EHBP1: variants seen among roughly 807,000 people sequenced by gnomAD.
EHBP1 encodes the protein EH domain binding protein 1.
A neutral mutation model predicts 144.0 loss-of-function variants in EHBP1; 55 were observed. The ratio of observed to expected loss-of-function variants is 0.38; its 90% CI spans 0.31 to 0.48. EHBP1 has a LOEUF of 0.48. EHBP1 is among the 20% of genes least tolerant of loss of function. The pLI is 0.98. For missense variants in EHBP1, 1,200 were observed against 1,364.2 expected (o/e 0.88, Z 1.90); for synonymous variants, 469 against 472.7 (o/e 0.99, Z 0.10).
chr2:62,714,777 A>G (rs1285225059), intron 2 of EHBP1, among the ~76,000 whole-genome samples: 9 of 152,168 alleles, frequency 5.9e-5, no homozygotes, highest in Non-Finnish European at 1.2e-4. Context: ...AACTTTTAAG[A>G]GTGTTAGAGA....
At chr2:63,030,136 A>G (rs988477667) in intron 19 of EHBP1, among the ~76,000 whole-genome samples, 2 of 152,210 alleles carry the variant, frequency 1.3e-5, no homozygotes, top group African/African-American at 4.8e-5. Flanking sequence ...GTAATTATAT[A>G]TCATGCTTGA....
rs538009030 is a variant in EHBP1, at chr2:62,786,168, T to G, written c.312+14776T>G. Among the ~76,000 whole-genome samples, 5 of 152,278 alleles carry G rather than the reference T, an allele frequency of 3.3e-5. No homozygotes were observed. The South Asian group carries it at 1.0e-3, about 32-fold the overall frequency. Reference sequence around the variant, plus strand: ...CTGGCTTTGAAATCTCTCATGCAGTTGTAGTCTGAGGTGGTTGGGGTAGAA... The same window carrying G: ...CTGGCTTTGAAATCTCTCATGCAGTGGTAGTCTGAGGTGGTTGGGGTAGAA... On this transcript the variant is annotated intron_variant, in intron 5 of 22. Transcript: ENST00000431489.
chr2:62,950,392 G>A (rs2057311847), intron 13 of EHBP1, among the ~76,000 whole-genome samples: 1 of 152,054 alleles, frequency 6.6e-6, no homozygotes, highest in African/African-American at 2.4e-5. Context: ...GTAGATATAG[G>A]AATTCAGCTG....
intron 19 of EHBP1, among the ~76,000 whole-genome samples, chr2:63,028,129 A>C (rs2061066102): frequency 6.6e-6 from 1 of 152,204 alleles, no homozygotes; most frequent in Admixed American, 6.5e-5. Context: ...CCACAAAAAA[A>C]GATAAGTATA....
chr2:62,991,966 T>G (rs2059432164), intron 16 of EHBP1, among the ~76,000 whole-genome samples: 1 of 152,188 alleles, frequency 6.6e-6, no homozygotes, highest in African/African-American at 2.4e-5. Flanking sequence ...CGGGTCTGAT[T>G]TTTTGCGTTC....
intron 2 of EHBP1, among the ~76,000 whole-genome samples, chr2:62,708,251 C>A (rs1314666160): frequency 1.3e-5 from 2 of 152,082 alleles, no homozygotes; most frequent in Non-Finnish European, 2.9e-5. Flanking sequence ...GAATGCTTTT[C>A]TCTTCAACTT....
chr2:63,004,260 G>A (rs1352121245), intron 19 of EHBP1, among the ~76,000 whole-genome samples: 7 of 151,972 alleles, frequency 4.6e-5, no homozygotes. Context: ...TTAAGCAAAA[G>A]GCCAATCACA....
At chr2:62,795,885 A>G (rs1052795354) in intron 5 of EHBP1, among the ~76,000 whole-genome samples, 2 of 152,002 alleles carry the variant, frequency 1.3e-5, no homozygotes, top group African/African-American at 4.8e-5. Context: ...TGAAAAGGCA[A>G]TCATAGTATA....
chr2:62,960,588 C>T (rs542935828), intron 14 of EHBP1, among the ~76,000 whole-genome samples: 1 of 152,188 alleles, frequency 6.6e-6, no homozygotes, highest in South Asian at 2.1e-4. Flanking sequence ...CCTTGTATCC[C>T]CAGCACCAAG....
chr2:62,734,211 A>C (rs1489213712), intron 2 of EHBP1, among the ~76,000 whole-genome samples: 1 of 151,590 alleles, frequency 6.6e-6, no homozygotes, highest in Non-Finnish European at 1.5e-5. Context: ...TTTTTTTTGA[A>C]TATAGTTTAT....
At chr2:62,797,868 T>C (rs1422556244) in intron 5 of EHBP1, among the ~76,000 whole-genome samples, 3 of 152,182 alleles carry the variant, frequency 2.0e-5, no homozygotes, top group Non-Finnish European at 4.4e-5. Context: ...CAGCCTTAAC[T>C]ATTTAACAAG....
rs1572857642 is a variant in EHBP1, at chr2:62,682,049, T to C, written c.-296+7966T>C. Among the ~76,000 whole-genome samples the C allele has an allele frequency of 2.0e-5, 3 of 152,336 alleles. No individual in the cohort carries two copies. The South Asian group carries it at 6.2e-4, about 32-fold the overall frequency. On this transcript the variant is annotated intron_variant, in intron 1 of 22. Coordinates refer to the EHBP1 transcript ENST00000405015. ...GAGGCTGTGGCTCAGCACAAGGGAATACTTTCTGTAAAAATGAGTTTGCCT... is the reference window on the plus strand; with the variant it reads ...GAGGCTGTGGCTCAGCACAAGGGAACACTTTCTGTAAAAATGAGTTTGCCT...
At chr2:62,780,800 T>C (rs1449762718) in intron 5 of EHBP1, among the ~76,000 whole-genome samples, 2 of 152,200 alleles carry the variant, frequency 1.3e-5, no homozygotes, top group African/African-American at 4.8e-5. Context: ...AGCTAACACA[T>C]TTTAAGGGAA....
chr2:63,036,591 ACAAT>A (rs2061449911), intron 19 of EHBP1, among the ~76,000 whole-genome samples: 1 of 152,014 alleles, frequency 6.6e-6, no homozygotes. Context: ...GCTTAGCAAA[ACAAT>A]AAACCAGTCA....
intron 5 of EHBP1, among the ~76,000 whole-genome samples, chr2:62,817,395 G>T (rs769881704): frequency 2.6e-5 from 4 of 152,064 alleles, no homozygotes; most frequent in Non-Finnish European, 5.9e-5. Context: ...AAATGCAGAG[G>T]CTCTAAGGGA....
chr2:62,719,964 A>G (rs1239407048), intron 2 of EHBP1, among the ~76,000 whole-genome samples: 1 of 152,108 alleles, frequency 6.6e-6, no homozygotes, highest in Non-Finnish European at 1.5e-5. Flanking sequence ...ATGATACCAC[A>G]TTTTTGCAAA....
intron 10 of EHBP1, among the ~76,000 whole-genome samples, chr2:62,901,430 A>G (rs913627203): frequency 2.6e-5 from 4 of 152,272 alleles, no homozygotes; most frequent in African/African-American, 9.6e-5. Context: ...GGCTCAACCC[A>G]ACCCATCTAT....
intron 19 of EHBP1, among the ~76,000 whole-genome samples, chr2:63,010,242 T>A (rs1238579798): frequency 6.6e-6 from 1 of 151,438 alleles, no homozygotes; most frequent in African/African-American, 2.4e-5. Context: ...AGTTTACTGA[T>A]AAAAACACTG....
chr2:62,838,959 GA>G (rs1323440223), intron 7 of EHBP1, among the ~76,000 whole-genome samples: 617 of 138,398 alleles, frequency 4.5e-3, no homozygotes, highest in African/African-American at 0.013. Context: ...CCAATCAATA[GA>G]AAAAGAGGGA....
Sources: allele counts gnomAD v4.1 joint callset (sites outside exome capture counted in the v4.1 genomes callset), GRCh38; gene constraint gnomAD v4.1.1; transcripts MANE v1.5; gene names NCBI Gene and HGNC (gene_info 2026-07-23, HGNC 2026-07-21).